Variants in YWHAE observed in about 807,000 individuals in gnomAD.
The protein encoded by YWHAE is tyrosine 3-monooxygenase/tryptophan 5-monooxygenase activation protein epsilon, also known as 14-3-3 protein epsilon.
Under a neutral mutation model 30.1 loss-of-function variants are expected in YWHAE, and 4 were observed. The ratio of observed to expected loss-of-function variants is 0.13; its 90% CI spans 0.07 to 0.30. The LOEUF is 0.30. Among genes scored for constraint, YWHAE ranks in the 10% least tolerant of loss-of-function variants. The pLI, the probability that YWHAE is intolerant of heterozygous loss-of-function variation, is 1.00. For missense variants in YWHAE, 121 were observed against 315.9 expected, an observed-to-expected ratio of 0.38 and a Z score of 4.68; for synonymous variants, 118 against 111.8, an observed-to-expected ratio of 1.06 and a Z score of -0.35.
At chr17:1,370,656 C>G (rs1037432853) in intron 1 of YWHAE, among the ~76,000 whole-genome samples, 1 of 152,162 alleles carries the variant, frequency 6.6e-6, no homozygotes, top group African/African-American at 2.4e-5. Flanking sequence ...GTCTTAAACT[C>G]CTGACCTCAG....
chr17:1,345,687 A>G (rs1357854557), intron 5 of YWHAE, among the ~76,000 whole-genome samples, 188 bp from the exon 6 acceptor site: 2 of 152,144 alleles, frequency 1.3e-5, no homozygotes, highest in Non-Finnish European at 2.9e-5. Context: ...TATGGTCCTG[A>G]AAGTATTTAT....
intron 4 of YWHAE, among the ~76,000 whole-genome samples, chr17:1,354,889 C>T (rs183759319): frequency 0.013 from 1,950 of 148,872 alleles, 18 homozygotes; most frequent in Non-Finnish European, 0.02. Context: ...GTCTCGATCT[C>T]CTGACCTCGT....
At chr17:1,370,415 G>A (rs1208739584) in intron 1 of YWHAE, among the ~76,000 whole-genome samples, 1 of 151,808 alleles carries the variant, frequency 6.6e-6, no homozygotes, top group Non-Finnish European at 1.5e-5. Flanking sequence ...ACAGGCGTGA[G>A]CCACCGCGAC....
At chr17:1,380,023 C>G (rs565198504) in intron 1 of YWHAE, among the ~76,000 whole-genome samples, 1 of 152,070 alleles carries the variant, frequency 6.6e-6, no homozygotes, top group Non-Finnish European at 1.5e-5. Context: ...AAAAATGACA[C>G]ACACTTTGGG....
intron 5 of YWHAE, among the ~76,000 whole-genome samples, chr17:1,353,541 A>T (rs1326030627): frequency 6.6e-6 from 1 of 152,056 alleles, no homozygotes; most frequent in East Asian, 1.9e-4. Flanking sequence ...GGCGGGCAGA[A>T]CACCTGAGGT....
chr17:1,370,153 A>T (rs564589483), intron 1 of YWHAE, among the ~76,000 whole-genome samples: 17 of 102,478 alleles, frequency 1.7e-4, no homozygotes, highest in Non-Finnish European at 2.1e-4. Context: ...TTTGAGACGG[A>T]GTCTCGCTCT....
At chr17:1,364,597 G>A (rs2072916159) in intron 2 of YWHAE, among the ~76,000 whole-genome samples, 1 of 152,096 alleles carries the variant, frequency 6.6e-6, no homozygotes, top group Non-Finnish European at 1.5e-5. Flanking sequence ...TTATCCAAGA[G>A]GGATCCATTG....
chr17:1,381,910 C>CAA (rs397754278), intron 1 of YWHAE, among the ~76,000 whole-genome samples: 510 of 42,702 alleles, frequency 0.012, 14 homozygotes, highest in African/African-American at 0.026. Flanking sequence ...GACACTATGT[C>CAA]AAAAAAAAAA....
chr17:1,349,440 G>C (rs1214518424), intron 5 of YWHAE, among the ~76,000 whole-genome samples: 1 of 152,078 alleles, frequency 6.6e-6, no homozygotes, highest in Non-Finnish European at 1.5e-5. Context: ...AGTTGTACCG[G>C]AATGTCAACA....
chr17:1,382,910 A>C (rs2073237636), intron 1 of YWHAE, among the ~76,000 whole-genome samples: 1 of 151,818 alleles, frequency 6.6e-6, no homozygotes, highest in African/African-American at 2.4e-5. Flanking sequence ...CTGTAATTCC[A>C]GCTACTTGGG....
chr17:1,357,888 C>T (rs1336419866), intron 4 of YWHAE, among the ~76,000 whole-genome samples: 1 of 150,742 alleles, frequency 6.6e-6, no homozygotes, highest in Non-Finnish European at 1.5e-5. Context: ...GATTGCACCA[C>T]TGCACTCCAG....
Position 1,355,116 on chromosome 17 carries a change from TAAAAAAA to T in YWHAE, c.579-776_579-770del, listed in dbSNP as rs869230957. Among the ~76,000 whole-genome samples, 15 of 17,186 alleles carry T rather than the reference TAAAAAAA, an allele frequency of 8.7e-4. 1 individual carries two copies. The highest frequency in any genetic ancestry group is 5.6e-3 in the East Asian group (4 of 710). The allele number at this position is 17,186 out of a possible 152,430, so 11.3% of individuals were successfully genotyped here. On this transcript the variant is annotated intron_variant, in intron 4 of 5. Transcript: ENST00000264335. ...ACACACTACCACCCCCAAGATTTTT[TAAAAAAA>T]AAAAAAAAAAAAAAAAAAAAAAAAA...
rs536661149 is a variant in YWHAE, at chr17:1,349,340, T to A, written c.716-3841A>T. The stretch of plus-strand genomic sequence containing the variant: ...CTGGGCAACAGAGTGATACTCCATC[T>A]CAAAAACTCTAATTTTTGACAAATT... On this transcript the variant is annotated intron_variant, in intron 5 of 5. Coordinates refer to ENST00000264335, the MANE Select transcript of YWHAE (RefSeq NM_006761.5). 4.6e-4 allele frequency among the ~76,000 whole-genome samples: 70 copies of A among 152,278 alleles called. 1 individual carries two copies. The South Asian group carries it at 0.014, about 30-fold the overall frequency.
At chr17:1,346,090 T>C (rs1180219047) in intron 5 of YWHAE, among the ~76,000 whole-genome samples, 1 of 152,166 alleles carries the variant, frequency 6.6e-6, no homozygotes, top group Non-Finnish European at 1.5e-5. Flanking sequence ...ATGCTCAAAG[T>C]AAATCAGACC....
chr17:1,361,630 A>T, intron 3 of YWHAE: 1 of 424,620 alleles, frequency 2.4e-6, no homozygotes, highest in Non-Finnish European at 4.1e-6. Context: ...ATCATAAAAT[A>T]AAATGTCTAT....
At chr17:1,349,112 G>A (rs926047515) in intron 5 of YWHAE, among the ~76,000 whole-genome samples, 27 of 151,890 alleles carry the variant, frequency 1.8e-4, no homozygotes, top group African/African-American at 6.5e-4. Flanking sequence ...GGAGGCTGAG[G>A]CAGGTGGATC....
Position 1,354,701 on chromosome 17 carries a change from C to A in YWHAE, c.579-354G>T, listed in dbSNP as rs1019117512. Among the ~76,000 whole-genome samples, 17 of 152,246 alleles carry A rather than the reference C, an allele frequency of 1.1e-4. 1 individual carries two copies. Among genetic ancestry groups the A allele is most frequent in the African/African-American group, 3.9e-4 (16 of 41,554 alleles). On this transcript the variant is annotated intron_variant, in intron 4 of 5. Transcript: ENST00000264335. The stretch of plus-strand genomic sequence containing the variant: ...TTTTTAAGACGGAGTCTGGCTCTGT[C>A]GCCCAGGCTGGAGTGCAGTGGCGTG...
intron 5 of YWHAE, among the ~76,000 whole-genome samples, chr17:1,348,863 A>C (rs577821103): frequency 6.6e-6 from 1 of 150,620 alleles, no homozygotes; most frequent in East Asian, 2.0e-4. Flanking sequence ...CTCTACTAAA[A>C]ATACAAAAAA....
chr17:1,373,111 C>CG (rs896278666), intron 1 of YWHAE, among the ~76,000 whole-genome samples: 5 of 151,898 alleles, frequency 3.3e-5, no homozygotes. Context: ...GGCATGGGGG[C>CG]GCGTGCCTGT....
Sources: allele counts gnomAD v4.1 joint callset (sites outside exome capture counted in the v4.1 genomes callset), GRCh38; gene constraint gnomAD v4.1.1; transcripts MANE v1.5; gene names NCBI Gene and HGNC (gene_info 2026-07-23, HGNC 2026-07-21).